Variants in TOX observed in about 807,000 individuals in gnomAD.
The protein encoded by TOX is thymocyte selection associated high mobility group box.
In TOX, 11 loss-of-function variants were observed where a neutral mutation model predicts 53.7. The ratio of observed to expected loss-of-function variants is 0.20; its 90% CI spans 0.13 to 0.34. The LOEUF is 0.34. Among genes scored for constraint, TOX ranks in the 10% least tolerant of loss-of-function variants. The pLI, the probability that TOX is intolerant of heterozygous loss-of-function variation, is 1.00. For synonymous variants in TOX, 225 were observed against 245.3 expected (o/e 0.92, Z 0.77); for missense variants, 570 against 664.6 (o/e 0.86, Z 1.56).
Position 58,882,856 on chromosome 8 carries a change from G to A in TOX, c.412-31051C>T, listed in dbSNP as rs142042243. Among the ~76,000 whole-genome samples, 446 of 152,190 alleles carry A rather than the reference G, an allele frequency of 2.9e-3. 3 individuals are homozygous for A. The highest frequency in any genetic ancestry group is 0.01 in the African/African-American group (423 of 41,524). On this transcript the variant is annotated intron_variant, in intron 3 of 8. Coordinates refer to ENST00000361421, the MANE Select transcript of TOX (RefSeq NM_014729.3). ...GTCACTATCAACTCTAAGATTCTTC[G>A]AACTGTCTCATGCAAGCTTCACTGA...
chr8:59,069,376 G>C (rs951294279), intron 1 of TOX, among the ~76,000 whole-genome samples: 8 of 152,110 alleles, frequency 5.3e-5, no homozygotes, highest in African/African-American at 1.9e-4. Context: ...AACAGGCTTG[G>C]GAGGAGAGGT....
intron 1 of TOX, among the ~76,000 whole-genome samples, chr8:58,966,833 G>A (rs1383835306): frequency 7.0e-6 from 1 of 142,478 alleles, no homozygotes; most frequent in East Asian, 2.1e-4. Flanking sequence ...TTGGTTTTTT[G>A]TTTTTAACCA....
At chr8:59,024,137 T>C (rs906946969) in intron 1 of TOX, among the ~76,000 whole-genome samples, 2 of 152,212 alleles carry the variant, frequency 1.3e-5, no homozygotes, top group Non-Finnish European at 2.9e-5. Context: ...TATAAACTTC[T>C]TGATGGCAAG....
Position 58,873,958 on chromosome 8 carries a change from C to CTTTTTTTTT in TOX, c.412-22162_412-22154dup, listed in dbSNP as rs1173710545. On this transcript the variant is annotated intron_variant, in intron 3 of 8. Coordinates refer to ENST00000361421, the MANE Select transcript of TOX (RefSeq NM_014729.3). ...AATACACATCCTGAATGCCAGGAAGCTTTTTTTTTTTTTTTTTTTTTTTTT... is the reference window on the plus strand; with the variant it reads ...AATACACATCCTGAATGCCAGGAAGCTTTTTTTTTTTTTTTTTTTTTTTTTTTTTTTTTT... Among the ~76,000 whole-genome samples the CTTTTTTTTT allele has an allele frequency of 8.0e-3, 320 of 40,134 alleles. 113 individuals carry two copies. Among genetic ancestry groups the CTTTTTTTTT allele is most frequent in the African/African-American group, 0.036 (210 of 5,790 alleles). The allele number at this position is 40,134 out of a possible 152,430, so 26.3% of individuals were successfully genotyped here. A position where few individuals can be genotyped will look rare whatever the true frequency, so the allele number is the denominator to read the frequency against.
chr8:59,100,484 G>C (rs1318641044), intron 1 of TOX, among the ~76,000 whole-genome samples: 1 of 152,150 alleles, frequency 6.6e-6, no homozygotes, highest in Non-Finnish European at 1.5e-5. Context: ...AGCTTCAGGA[G>C]TATATTTCAG....
At chr8:58,823,589 C>A (rs1372888866) in intron 6 of TOX, among the ~76,000 whole-genome samples, 1 of 152,198 alleles carries the variant, frequency 6.6e-6, no homozygotes, top group Non-Finnish European at 1.5e-5. Context: ...GACTCAATTT[C>A]ACAGGTAGAG....
At chr8:59,056,834 T>C (rs1358061466) in intron 1 of TOX, among the ~76,000 whole-genome samples, 1 of 152,214 alleles carries the variant, frequency 6.6e-6, no homozygotes, top group African/African-American at 2.4e-5. Flanking sequence ...TGGCCCTTTC[T>C]TGGCAGCAAG....
chr8:59,045,906 C>T (rs1803673312), intron 1 of TOX, among the ~76,000 whole-genome samples: 1 of 152,144 alleles, frequency 6.6e-6, no homozygotes, highest in South Asian at 2.1e-4. Flanking sequence ...GTGACTTTAC[C>T]AGAATGTTAG....
At chr8:58,876,635 G>A (rs1419727339) in intron 3 of TOX, among the ~76,000 whole-genome samples, 2 of 152,128 alleles carry the variant, frequency 1.3e-5, no homozygotes, top group African/African-American at 2.4e-5. Flanking sequence ...ATTGTCCTGC[G>A]GAGGCTGAAA....
intron 2 of TOX, among the ~76,000 whole-genome samples, chr8:58,954,064 T>C (rs1812670496): frequency 1.3e-5 from 2 of 152,284 alleles, no homozygotes; most frequent in South Asian, 4.1e-4. Context: ...TGGAGCACAC[T>C]ACTGTTTCCA....
intron 6 of TOX, among the ~76,000 whole-genome samples, chr8:58,817,090 T>A (rs943174115): frequency 2.0e-5 from 3 of 152,118 alleles, no homozygotes; most frequent in Admixed American, 2.0e-4. Context: ...ATCTGACACC[T>A]GTAAAAGTAT....
At chr8:59,116,676 T>A (rs1360669095) in intron 1 of TOX, among the ~76,000 whole-genome samples, 1 of 152,252 alleles carries the variant, frequency 6.6e-6, no homozygotes, top group Admixed American at 6.5e-5. Flanking sequence ...AACATTTCCA[T>A]GAAGTCTTCT....
chr8:58,998,352 G>T (rs979721920), intron 1 of TOX, among the ~76,000 whole-genome samples: 2 of 150,390 alleles, frequency 1.3e-5, no homozygotes, highest in African/African-American at 2.5e-5. Context: ...AGCCAGGTTC[G>T]GTGGCATGCA....
chr8:58,946,139 T>A (rs6983623), intron 2 of TOX, among the ~76,000 whole-genome samples: 3 of 151,942 alleles, frequency 2.0e-5, no homozygotes, highest in Non-Finnish European at 4.4e-5. Context: ...ATTTTTAATC[T>A]GTAACATAAT....
intron 3 of TOX, among the ~76,000 whole-genome samples, chr8:58,935,355 T>A (rs770271027): frequency 2.0e-5 from 3 of 152,178 alleles, no homozygotes; most frequent in Non-Finnish European, 4.4e-5. Context: ...GTGAAAATAC[T>A]AATACAAAGA....
rs1193850710 is a variant in TOX at position 58,939,439 on chromosome 8, C to T, written c.274G>A (p.Gly92Ser). 5.6e-6 allele frequency: 9 copies of T among 1,613,996 alleles called. No homozygotes were observed. The highest frequency in any genetic ancestry group is 1.3e-5 in the African/African-American group (1 of 74,888). Residue 92 changes from glycine (G) to serine (S), a missense_variant, in exon 3 of 9, where the codon GGT becomes AGT. Around this residue, in one of 3 missense-constraint regions of TOX, gnomAD observed 282 missense variants for 315.0 expected, o/e 0.90. Transcript: ENST00000361421. ...SLVHLNEVES[G>S]YHSLCHPMNH... Reference sequence around the variant, plus strand: ...ATGGGGTGACACAGAGAATGGTAACCAGACTCAACTTCATTCAGGTGCACC... The same window carrying T: ...ATGGGGTGACACAGAGAATGGTAACTAGACTCAACTTCATTCAGGTGCACC...
intron 1 of TOX, among the ~76,000 whole-genome samples, chr8:58,989,354 C>G (rs117223406): frequency 6.6e-6 from 1 of 152,080 alleles, no homozygotes; most frequent in Non-Finnish European, 1.5e-5. Context: ...ACTCTTTTAG[C>G]TATGTTTAGT....
chr8:58,827,148 G>A (rs1217636835), intron 5 of TOX, among the ~76,000 whole-genome samples: 2 of 151,988 alleles, frequency 1.3e-5, no homozygotes, highest in Admixed American at 1.3e-4. Context: ...ACATATGAAA[G>A]GTTTTATCTG....
intron 3 of TOX, among the ~76,000 whole-genome samples, chr8:58,932,377 C>T (rs1377120759): frequency 6.6e-6 from 1 of 151,622 alleles, no homozygotes; most frequent in Admixed American, 6.6e-5. Flanking sequence ...GTTAAAGTGG[C>T]AAAATTATTT....
Sources: allele counts gnomAD v4.1 joint callset (sites outside exome capture counted in the v4.1 genomes callset), GRCh38; gene constraint gnomAD v4.1.1; regional missense constraint gnomAD v4.1.1; transcripts MANE v1.5; gene names NCBI Gene and HGNC (gene_info 2026-07-23, HGNC 2026-07-21).